The following FAM83F variants were observed in gnomAD, a reference collection of about 807,000 sequenced individuals.
FAM83F encodes protein FAM83F.
FAM83F carries 45 observed loss-of-function variants against 42.9 expected under a neutral mutation model. The ratio of observed to expected loss-of-function variants is 1.05; its 90% confidence interval spans 0.83 to 1.35. The LOEUF is 1.35. Ranked by LOEUF, FAM83F falls within the 40% of genes most tolerant of loss-of-function variation. The probability of loss-of-function intolerance (pLI) is 0.00; values close to 1 mark genes in which losing one functional copy is unlikely to be tolerated. For synonymous variants in FAM83F, 306 were observed against 298.3 expected (o/e 1.03, Z -0.27); for missense variants, 617 against 695.9 (o/e 0.89, Z 1.28).
chr22:40,022,073 C>T, intron 4 of FAM83F, 110 bp downstream of exon 4: 9 of 1,013,094 alleles, frequency 8.9e-6, no homozygotes, highest in Non-Finnish European at 1.2e-5. Flanking sequence ...TAGATTCCAT[C>T]TGTGGGCACA....
chr22:40,004,278 ATTTTATTTTATTT>A (rs2067416610), intron 1 of FAM83F, among the ~76,000 whole-genome samples: 1 of 145,030 alleles, frequency 6.9e-6, no homozygotes, highest in Non-Finnish European at 1.5e-5. Context: ...ATTTTATTTT[ATTTTATTTTATTT>A]TATTTTATTT....
rs752938780 is a variant in FAM83F at position 40,030,565 on chromosome 22, G to A, written c.*1000G>A. On this transcript the variant is annotated 3_prime_UTR_variant, in exon 5 of 5. Transcript: ENST00000333407. ...GGCCAGACTGGCCTTTGCCTCCTGC[G>A]AGAGTCAGGCCATTTTTAGGAGCCT... is the stretch of plus-strand genomic sequence containing the variant. 2.6e-5 allele frequency: 4 copies of A among 152,254 alleles called. No homozygotes were observed. The highest frequency in any genetic ancestry group is 4.4e-5 in the Non-Finnish European group (3 of 68,086). The allele number at this position is 152,254 out of a possible 1,614,324, so 9.4% of individuals were successfully genotyped here. A position where few individuals can be genotyped will look rare whatever the true frequency, so the allele number is the denominator to read the frequency against.
intron 1 of FAM83F, among the ~76,000 whole-genome samples, chr22:40,016,436 C>G (rs1285963344): frequency 6.6e-6 from 1 of 152,022 alleles, no homozygotes; most frequent in African/African-American, 2.4e-5. Context: ...TGAGCTCAAG[C>G]AGTCCTCCTG....
At position 40,035,826 on chromosome 22, in the gene FAM83F, G is replaced by A. The variant is rs536857965; in HGVS notation, c.*6261G>A. 24 of 152,248 alleles carry A rather than the reference G, an allele frequency of 1.6e-4. No individual in the cohort carries two copies. The highest frequency in any genetic ancestry group is 8.3e-4 in the South Asian group (4 of 4,812). 9.4% of individuals were successfully genotyped at this position (152,248 alleles called of 1,614,324 possible). ...GCACAGGGGCTGACGCAAACAGCTG[G>A]GCATCGGAGGAGCCTCCAGGGTTGT... On this transcript the variant is annotated 3_prime_UTR_variant, in exon 5 of 5. Coordinates refer to ENST00000333407, the MANE Select transcript of FAM83F (RefSeq NM_138435.4).
At chr22:40,002,567 G>A (rs2067408210) in intron 1 of FAM83F, among the ~76,000 whole-genome samples, 1 of 152,194 alleles carries the variant, frequency 6.6e-6, no homozygotes, top group Non-Finnish European at 1.5e-5. Flanking sequence ...ACTGGCGGGT[G>A]GAGGGATCCC....
chr22:40,020,825 G>C (rs1454698414), intron 3 of FAM83F, among the ~76,000 whole-genome samples: 3 of 152,198 alleles, frequency 2.0e-5, no homozygotes, highest in African/African-American at 4.8e-5. Context: ...GGTTTCTGCA[G>C]ACACTAAGTG....
At chr22:39,998,144 T>C (rs2067380415) in intron 1 of FAM83F, among the ~76,000 whole-genome samples, 1 of 152,052 alleles carries the variant, frequency 6.6e-6, no homozygotes, top group South Asian at 2.1e-4. Flanking sequence ...TTAACTTAGA[T>C]CCTTCCTCCT....
intron 1 of FAM83F, among the ~76,000 whole-genome samples, chr22:40,011,458 T>G (rs1308487326): frequency 6.6e-6 from 1 of 152,124 alleles, no homozygotes; most frequent in Non-Finnish European, 1.5e-5. Flanking sequence ...GCTGGGATAG[T>G]TTATCTATCA....
In FAM83F at chr22:40,021,946, C is replaced by G. The variant is rs760259740; in HGVS notation, c.1436C>G (p.Ser479Cys). ...ACGGGGAAGAGGCCCAACGAGAATT[C>G]CAGTGCTGACATCTCAGGTGAGCCC... ...FLTGKRPNEN[S>C]SADISGKTSP... The change falls in exon 4 of 5, where the codon TCC (serine) becomes TGC (cysteine). Residue 479 changes from serine (S) to cysteine (C), a missense_variant. Transcript: ENST00000333407. This position sits in a 1 kb window ranked among gnomAD's most constrained non-coding sequence, Gnocchi z 8.7. 3 of 1,563,568 alleles carry G rather than the reference C, an allele frequency of 1.9e-6. No homozygotes were observed. The highest frequency in any genetic ancestry group is 2.3e-5 in the South Asian group (2 of 85,880).
At chr22:40,008,653 G>C (rs1470221106) in intron 1 of FAM83F, among the ~76,000 whole-genome samples, 1 of 152,200 alleles carries the variant, frequency 6.6e-6, no homozygotes, top group Non-Finnish European at 1.5e-5. Context: ...GGAGGCTGCT[G>C]TTAAAATGCA....
chr22:40,008,420 C>T (rs1319947170), intron 1 of FAM83F, among the ~76,000 whole-genome samples: 5 of 152,170 alleles, frequency 3.3e-5, no homozygotes, highest in Admixed American at 1.3e-4. Flanking sequence ...ACAAGTACCG[C>T]GCTGTTGCAG....
intron 1 of FAM83F, among the ~76,000 whole-genome samples, chr22:40,005,958 A>G (rs964326883): frequency 2.0e-5 from 3 of 152,072 alleles, no homozygotes; most frequent in Non-Finnish European, 4.4e-5. Flanking sequence ...ACCCTGTTGT[A>G]GCCGGGCGCG....
intron 1 of FAM83F, among the ~76,000 whole-genome samples, chr22:40,015,269 G>A (rs1352950316): frequency 6.6e-6 from 1 of 152,226 alleles, no homozygotes; most frequent in African/African-American, 2.4e-5. Flanking sequence ...CCCAGGGCAA[G>A]TCAGTCTTTC....
intron 1 of FAM83F, among the ~76,000 whole-genome samples, chr22:40,014,884 A>G (rs988375097): frequency 2.0e-5 from 3 of 152,122 alleles, no homozygotes; most frequent in East Asian, 3.8e-4. Context: ...TTTGCCCCCT[A>G]TGTGTTTACT....
rs537382734 is a variant in FAM83F, at chr22:40,013,944, G to C, written c.490-5224G>C. ...TTTTCCTTTTTTCTTTCTTTTGGTT[G>C]ATTATTGCTGGAATAGAAGAAGGCT... On this transcript the variant is annotated intron_variant, in intron 1 of 4. Transcript: ENST00000333407. Among the ~76,000 whole-genome samples the C allele has an allele frequency of 4.0e-5, 6 of 151,526 alleles. No homozygotes were observed. The South Asian group carries it at 1.3e-3, about 32-fold the overall frequency.
intron 2 of FAM83F, 117 bp downstream of exon 2, chr22:40,019,452 A>C: frequency 1.1e-6 from 1 of 882,098 alleles, no homozygotes; most frequent in Non-Finnish European, 1.8e-6. Flanking sequence ...GAACTTCAAG[A>C]TCTCAACACC....
chr22:40,042,636 A>G lies in FAM83F; in HGVS notation c.*13071A>G, dbSNP rs1270775511. ...TGAAGGAAGAGAGAGTGTATCACTC[A>G]TCTGCATAGCCTTTGTAACTTAGTA... On this transcript the variant is annotated 3_prime_UTR_variant, in exon 5 of 5. Coordinates refer to ENST00000333407, the MANE Select transcript of FAM83F (RefSeq NM_138435.4). 1 of 152,234 alleles carries G rather than the reference A, an allele frequency of 6.6e-6. No individual in the cohort carries two copies. The highest frequency in any genetic ancestry group is 1.5e-5 in the Non-Finnish European group (1 of 68,044). The allele number at this position is 152,234 out of a possible 1,614,324, so 9.4% of individuals were successfully genotyped here. A position where few individuals can be genotyped will look rare whatever the true frequency, so the allele number is the denominator to read the frequency against.
chr22:40,018,650 C>T (rs1186025709), intron 1 of FAM83F, among the ~76,000 whole-genome samples: 1 of 149,210 alleles, frequency 6.7e-6, no homozygotes, highest in Non-Finnish European at 1.5e-5. Context: ...TGGAGTGCAA[C>T]GGCGCAATCT....
rs1011511365 is a variant in FAM83F, at chr22:40,039,993, A to G, written c.*10428A>G. 1 of 152,380 alleles carries G rather than the reference A, an allele frequency of 6.6e-6. No individual in the cohort carries two copies. The highest frequency in any genetic ancestry group is 2.1e-4 in the South Asian group (1 of 4,828). The allele number at this position is 152,380 out of a possible 1,614,324, so 9.4% of individuals were successfully genotyped here. A position where few individuals can be genotyped will look rare whatever the true frequency, so the allele number is the denominator to read the frequency against. On this transcript the variant is annotated 3_prime_UTR_variant, in exon 5 of 5. Transcript: ENST00000333407. ...GCAGGCCATTATTTAAAAAGCTAGG[A>G]TAAGAAAATAGAGAAGAAAGGGAAG...
Sources: allele counts gnomAD v4.1 joint callset (sites outside exome capture counted in the v4.1 genomes callset), GRCh38; gene constraint gnomAD v4.1.1; non-coding constraint Gnocchi (gnomAD v3.1); transcripts MANE v1.5; gene names NCBI Gene and HGNC (gene_info 2026-07-23, HGNC 2026-07-21).